PARVA: variants seen among roughly 807,000 people sequenced by gnomAD.
The protein encoded by PARVA is parvin alpha.
In PARVA, 25 loss-of-function variants were observed where a neutral mutation model predicts 52.6. The observed-to-expected ratio is 0.48, with a 90% CI of 0.35 to 0.66. The LOEUF (loss-of-function observed/expected upper bound fraction) is 0.66, where lower values mean the gene tolerates loss of function less well. Among genes scored for constraint, PARVA ranks in the 30% least tolerant of loss-of-function variants. The pLI is 0.01. For synonymous variants in PARVA, 185 were observed against 179.1 expected, an observed-to-expected ratio of 1.03 and a Z score of -0.26; for missense variants, 373 against 450.9, an observed-to-expected ratio of 0.83 and a Z score of 1.56.
rs1941764771 is a variant in PARVA at position 12,530,897 on chromosome 11, A to G, written c.*2972A>G. On this transcript the variant is annotated 3_prime_UTR_variant, in exon 13 of 13. Transcript: ENST00000334956. ...CGAAGGAGGAAAGGCTGCCTAGACA[A>G]TGATTTCAAAAGTAGAGTCTAAAAC... The G allele has an allele frequency of 1.3e-5, 2 of 152,232 alleles. No individual in the cohort carries two copies. The highest frequency in any genetic ancestry group is 4.8e-5 in the African/African-American group (2 of 41,462). The allele number at this position is 152,232 out of a possible 1,614,324, so 9.4% of individuals were successfully genotyped here. A position where few individuals can be genotyped will look rare whatever the true frequency, so the allele number is the denominator to read the frequency against.
intron 1 of PARVA, among the ~76,000 whole-genome samples, chr11:12,448,467 C>T (rs1940576911): frequency 6.6e-6 from 1 of 152,220 alleles, no homozygotes; most frequent in Non-Finnish European, 1.5e-5. Context: ...GGAGTTGTAG[C>T]TCCAGACATT....
intron 5 of PARVA, among the ~76,000 whole-genome samples, chr11:12,502,997 A>T (rs1359268461): frequency 6.6e-6 from 1 of 151,994 alleles, no homozygotes; most frequent in Non-Finnish European, 1.5e-5. Flanking sequence ...AGTCTGCCTG[A>T]CCCTCTGTGC....
chr11:12,481,682 T>A (rs1941088525), intron 4 of PARVA, among the ~76,000 whole-genome samples: 1 of 152,222 alleles, frequency 6.6e-6, no homozygotes, highest in Non-Finnish European at 1.5e-5. Context: ...TAACTAGGCA[T>A]GACTGTTCCC....
Position 12,408,959 on chromosome 11 carries a change from C to T in PARVA, c.136+31176C>T, listed in dbSNP as rs183613618. Among the ~76,000 whole-genome samples the T allele has an allele frequency of 1.4e-3, 210 of 152,154 alleles. 1 individual carries two copies. The highest frequency in any genetic ancestry group is 2.4e-3 in the Non-Finnish European group (161 of 68,010). On this transcript the variant is annotated intron_variant, in intron 1 of 12. Coordinates refer to ENST00000334956, the MANE Select transcript of PARVA (RefSeq NM_018222.5). ...AAAGAGGGGTCAGTAGGTACAGCCA[C>T]GAGAGTTCAAGGAACCAAAAGGAGG...
chr11:12,448,561 A>C (rs748251388), intron 1 of PARVA, among the ~76,000 whole-genome samples: 3 of 152,226 alleles, frequency 2.0e-5, no homozygotes, highest in Non-Finnish European at 4.4e-5. Flanking sequence ...CCAAGGCAGA[A>C]CTTCAGTTAT....
chr11:12,510,907 A>G (rs1941495690), intron 7 of PARVA, among the ~76,000 whole-genome samples: 1 of 152,196 alleles, frequency 6.6e-6, no homozygotes, highest in African/African-American at 2.4e-5. Context: ...CACTCAGTGC[A>G]ATTTAAACCT....
At chr11:12,519,437 G>A (rs915432646) in intron 12 of PARVA, among the ~76,000 whole-genome samples, 8 of 152,148 alleles carry the variant, frequency 5.3e-5, no homozygotes, top group Non-Finnish European at 8.8e-5. Context: ...CTCAAGGCAC[G>A]TGTAGCCAAC....
intron 1 of PARVA, among the ~76,000 whole-genome samples, chr11:12,379,753 CA>C: frequency 6.6e-6 from 1 of 152,300 alleles, no homozygotes; most frequent in East Asian, 1.9e-4. Flanking sequence ...CGAGAAGCAG[CA>C]AAAACATACA....
Position 12,508,576 on chromosome 11 carries a change from C to CA in PARVA, c.658-7dup. ...TCCTCCCAACCCCTTTCCCCACCCC[C>CA]ATTTCAGAAACGAGAAGGAATCCTC... is the stretch of plus-strand genomic sequence containing the variant. On this transcript the variant is annotated splice_polypyrimidine_tract_variant and splice_region_variant and intron_variant, in intron 6 of 12. Coordinates refer to ENST00000334956, the MANE Select transcript of PARVA (RefSeq NM_018222.5). 6.2e-7 allele frequency: 1 copy of CA among 1,606,242 alleles called. No homozygotes were observed. Among genetic ancestry groups the CA allele is most frequent in the Non-Finnish European group, 8.5e-7 (1 of 1,174,626 alleles).
upstream of PARVA, among the ~76,000 whole-genome samples, chr11:12,376,511 T>A (rs1482076559): frequency 2.0e-5 from 3 of 152,236 alleles, no homozygotes; most frequent in Non-Finnish European, 4.4e-5. Context: ...CGAGCACAAC[T>A]TCTGACAACA....
At chr11:12,408,869 A>T (rs1456120757) in intron 1 of PARVA, among the ~76,000 whole-genome samples, 1 of 152,212 alleles carries the variant, frequency 6.6e-6, no homozygotes, top group African/African-American at 2.4e-5. Flanking sequence ...CTGAGGACAG[A>T]TATTTCAGTG....
chr11:12,482,648 G>A (rs994961075), intron 4 of PARVA, among the ~76,000 whole-genome samples: 5 of 151,936 alleles, frequency 3.3e-5, no homozygotes, highest in Non-Finnish European at 5.9e-5. Flanking sequence ...AAGGAAAGAG[G>A]TTTAATTGAC....
chr11:12,521,303 C>T (rs1941633725), intron 12 of PARVA, among the ~76,000 whole-genome samples: 2 of 152,174 alleles, frequency 1.3e-5, no homozygotes, highest in South Asian at 2.1e-4. Context: ...GTTCAACTCC[C>T]CCATTCCCCT....
chr11:12,477,962 A>C lies in PARVA; in HGVS notation c.400+13A>C, dbSNP rs557697208. The stretch of plus-strand genomic sequence containing the variant: ...CAGAAGCTTTTCGGTAGGAGAGTTG[A>C]GTGCTGCAATGGATGTGTGTTTAAT... On this transcript the variant is annotated intron_variant, in intron 4 of 12. Transcript: ENST00000334956. 1.4e-6 allele frequency: 2 copies of C among 1,406,546 alleles called. No individual in the cohort carries two copies. The highest frequency in any genetic ancestry group is 2.3e-5 in the East Asian group (1 of 43,908). 87.1% of individuals were successfully genotyped at this position (1,406,546 alleles called of 1,614,324 possible).
Position 12,533,808 on chromosome 11 carries a change from C to CTGAGGAGGAGGA in PARVA, c.*5883_*5884insTGAGGAGGAGGA, listed in dbSNP as rs56689985. Among the ~76,000 whole-genome samples, 42 of 150,278 alleles carry CTGAGGAGGAGGA rather than the reference C, an allele frequency of 2.8e-4. No individual in the cohort carries two copies. The highest frequency in any genetic ancestry group is 5.7e-4 in the African/African-American group (23 of 40,698). On this transcript the variant is annotated 3_prime_UTR_variant, in exon 13 of 13. Transcript: ENST00000334956. ...CCTCATGGTCATCACATTGAGTAGG[C>CTGAGGAGGAGGA]GGAGGAGGAGGAGGAGGAGGAGGAG... is the stretch of plus-strand genomic sequence containing the variant.
intron 3 of PARVA, among the ~76,000 whole-genome samples, chr11:12,475,941 A>C (rs1210742053): frequency 6.6e-6 from 1 of 152,224 alleles, no homozygotes; most frequent in Non-Finnish European, 1.5e-5. Context: ...GTTGAGGTGC[A>C]GGCTGTGCCT....
chr11:12,492,263 A>C (rs763369209), intron 4 of PARVA, among the ~76,000 whole-genome samples: 70 of 152,184 alleles, frequency 4.6e-4, no homozygotes, highest in Non-Finnish European at 8.4e-4. Flanking sequence ...TAATACCTTC[A>C]AAAACAACTC....
intron 1 of PARVA, among the ~76,000 whole-genome samples, chr11:12,397,905 G>T (rs960806): frequency 0.18 from 27,392 of 151,150 alleles, 4,845 homozygotes; most frequent in African/African-American, 0.46. Flanking sequence ...GATTTCTGAC[G>T]AGAGGAGGAA....
intron 5 of PARVA, among the ~76,000 whole-genome samples, chr11:12,499,193 C>CT (rs1941335956): frequency 6.6e-6 from 1 of 152,186 alleles, no homozygotes; most frequent in Non-Finnish European, 1.5e-5. Context: ...ATCTTGGTGG[C>CT]TAGCTCCCTG....
Sources: gnomAD v4.1 joint callset for allele counts (sites outside exome capture counted in the v4.1 genomes callset) on GRCh38, gnomAD v4.1.1 for gene constraint, MANE v1.5 for transcripts, NCBI Gene and HGNC (gene_info 2026-07-23, HGNC 2026-07-21) for gene names.